The following TNRC6A variants were observed in gnomAD, a reference collection of about 807,000 sequenced individuals.
The protein encoded by TNRC6A is trinucleotide repeat containing adaptor 6A, also known as trinucleotide repeat-containing gene 6A protein.
A neutral mutation model predicts 221.2 loss-of-function variants in TNRC6A; 44 were observed. That is an observed-to-expected ratio of 0.20 (90% CI 0.16 to 0.26). The LOEUF is 0.26. Among genes scored for constraint, TNRC6A ranks in the 10% least tolerant of loss-of-function variants. The probability of loss-of-function intolerance (pLI) is 1.00; values close to 1 mark genes in which losing one functional copy is unlikely to be tolerated. For synonymous variants in TNRC6A, 847 were observed against 838.5 expected, an observed-to-expected ratio of 1.01 and a Z score of -0.18; for missense variants, 2,199 against 2,404.4, an observed-to-expected ratio of 0.91 and a Z score of 1.79.
At chr16:24,726,796 C>T (rs1199957394), upstream of TNRC6A, among the ~76,000 whole-genome samples, 1 of 152,076 alleles carries the variant, frequency 6.6e-6, no homozygotes, top group Non-Finnish European at 1.5e-5. Flanking sequence ...AGAATGATTA[C>T]TTAGTAAAAA....
intron 18 of TNRC6A, among the ~76,000 whole-genome samples, chr16:24,811,959 T>TAAACC (rs992367616): frequency 6.9e-6 from 1 of 144,444 alleles, no homozygotes; most frequent in Non-Finnish European, 1.5e-5. Context: ...CGCTAGACCA[T>TAAACC]AAACCAAACA....
chr16:24,722,414 TTTATTTATTTATTTAC>T (rs980929784), intron 2 of TNRC6A, among the ~76,000 whole-genome samples: 70 of 78,562 alleles, frequency 8.9e-4, no homozygotes, highest in African/African-American at 2.5e-3. Context: ...ACCCCAACTA[TTTATTTATTTATTTAC>T]TTATTTATTT....
intron 3 of TNRC6A, among the ~76,000 whole-genome samples, chr16:24,755,066 G>C (rs1403466965): frequency 1.3e-5 from 2 of 152,086 alleles, no homozygotes; most frequent in Admixed American, 1.3e-4. Flanking sequence ...GGGCAGTTAG[G>C]TGTTCTCTTA....
chr16:24,698,601 T>C (rs559891461), intron 2 of TNRC6A, among the ~76,000 whole-genome samples: 1 of 152,322 alleles, frequency 6.6e-6, no homozygotes, highest in Non-Finnish European at 1.5e-5. Context: ...GAGGCATGGA[T>C]AGAGTAAGTC....
intron 1 of TNRC6A, among the ~76,000 whole-genome samples, chr16:24,626,811 G>A (rs886898248): frequency 2.0e-5 from 3 of 151,410 alleles, no homozygotes; most frequent in Non-Finnish European, 4.4e-5. Context: ...CACCACGCCC[G>A]GCTAATTTTT....
At chr16:24,758,317 T>A in intron 3 of TNRC6A, 22 bp from the exon 4 acceptor site, 1 of 1,599,534 alleles carries the variant, frequency 6.3e-7, no homozygotes, top group Non-Finnish European at 8.6e-7. Context: ...CATTGTTTTT[T>A]GTTTGTTTGT....
chr16:24,712,198 G>A (rs2142316069), intron 2 of TNRC6A, among the ~76,000 whole-genome samples: 1 of 151,630 alleles, frequency 6.6e-6, no homozygotes, highest in South Asian at 2.1e-4. Context: ...GTGTCTCCAA[G>A]GCTGGAGTGC....
chr16:24,641,942 A>C (rs1901970848), intron 2 of TNRC6A, among the ~76,000 whole-genome samples: 8 of 152,246 alleles, frequency 5.3e-5, no homozygotes, highest in Admixed American at 5.2e-4. Flanking sequence ...GAAAAAGCTA[A>C]GGAGAAAATT....
chr16:24,792,784 A>AT (rs1268093795), intron 6 of TNRC6A, among the ~76,000 whole-genome samples: 1 of 137,400 alleles, frequency 7.3e-6, no homozygotes, highest in African/African-American at 2.9e-5. Context: ...CTTGTGGCAC[A>AT]ATTTTTTTTT....
chr16:24,613,110 T>C (rs1312502018), intron 1 of TNRC6A, among the ~76,000 whole-genome samples: 1 of 101,102 alleles, frequency 9.9e-6, no homozygotes, highest in African/African-American at 4.4e-5. Flanking sequence ...AGTGAGACTC[T>C]GTCTCAAAAA....
In TNRC6A at chr16:24,804,276, T is replaced by C. The variant is rs141510473; in HGVS notation, c.3794T>C (p.Ile1265Thr). ...AAAGGCCCTGGTTCTCGGCCTCAGA[T>C]TTCCAAAGAGTCTTCCATGGAGCGC... ...VGKGPGSRPQ[I>T]SKESSMERNP... Residue 1265 changes from isoleucine to threonine, a missense_variant, in exon 12 of 25, where the codon ATT (isoleucine) becomes ACT (threonine). Physicochemically the swap from Ile to Thr is moderately conservative, Grantham distance 89. This residue lies in a region of TNRC6A where 158 missense variants were observed against 159.1 expected (regional missense o/e 0.99). Transcript: ENST00000395799. The C allele has an allele frequency of 1.1e-4, 176 of 1,613,586 alleles. 1 individual carries two copies. In the South Asian group the frequency reaches 1.8e-3, roughly 16 times the overall value.
intron 5 of TNRC6A, among the ~76,000 whole-genome samples, chr16:24,781,592 AG>A (rs771415735): frequency 6.6e-6 from 1 of 152,108 alleles, no homozygotes. Flanking sequence ...GCCACATTTT[AG>A]GTCCTCTTCT....
At chr16:24,637,270 C>A (rs1414503783) in intron 1 of TNRC6A, among the ~76,000 whole-genome samples, 1 of 152,038 alleles carries the variant, frequency 6.6e-6, no homozygotes, top group East Asian at 1.9e-4. Flanking sequence ...TGGCCTCAAG[C>A]GATCTGCCCA....
intron 2 of TNRC6A, among the ~76,000 whole-genome samples, chr16:24,670,027 G>A (rs1156353109): frequency 3.0e-5 from 4 of 133,514 alleles, no homozygotes; most frequent in Non-Finnish European, 6.1e-5. Context: ...TTGGCTCACT[G>A]CAACCTCTAC....
chr16:24,804,287 T>C lies in TNRC6A; in HGVS notation c.3805T>C (p.Ser1269Pro), dbSNP rs748778053. ...TTCTCGGCCTCAGATTTCCAAAGAG[T>C]CTTCCATGGAGCGCAATCCTTATTT... Reference protein sequence around the residue: ...PGSRPQISKESSMERNPYFDK... With the variant: ...PGSRPQISKEPSMERNPYFDK... Residue 1269 changes from serine to proline, a missense_variant, in exon 12 of 25, where the codon TCT (serine) becomes CCT (proline). Transcript: ENST00000395799. 1.9e-6 allele frequency: 3 copies of C among 1,613,048 alleles called. No individual in the cohort carries two copies. In the East Asian group the frequency reaches 6.7e-5, roughly 36 times the overall value.
At chr16:24,655,174 G>T (rs1381564643) in intron 2 of TNRC6A, among the ~76,000 whole-genome samples, 1 of 152,086 alleles carries the variant, frequency 6.6e-6, no homozygotes, top group Admixed American at 6.5e-5. Flanking sequence ...AGCCCAGGAG[G>T]TAGAGGCTAT....
At chr16:24,654,524 G>A (rs1902850715) in intron 2 of TNRC6A, among the ~76,000 whole-genome samples, 1 of 151,994 alleles carries the variant, frequency 6.6e-6, no homozygotes, top group Non-Finnish European at 1.5e-5. Context: ...GACCAACATG[G>A]TGAAACCCCG....
intron 4 of TNRC6A, among the ~76,000 whole-genome samples, chr16:24,763,320 T>C (rs1275858559): frequency 6.6e-6 from 1 of 152,234 alleles, no homozygotes; most frequent in Non-Finnish European, 1.5e-5. Flanking sequence ...TGGAGGACCC[T>C]TTCTGAAGGG....
chr16:24,730,188 T>G, intron 1 of TNRC6A, 65 bp from the exon 2 acceptor site: 1 of 1,520,240 alleles, frequency 6.6e-7, no homozygotes, highest in Non-Finnish European at 8.8e-7. Flanking sequence ...AGCTCCGTTT[T>G]CACGCGCATC....
Sources: allele counts gnomAD v4.1 joint callset (sites outside exome capture counted in the v4.1 genomes callset), GRCh38; gene constraint gnomAD v4.1.1; regional missense constraint gnomAD v4.1.1; transcripts MANE v1.5; gene names NCBI Gene and HGNC (gene_info 2026-07-23, HGNC 2026-07-21).